ADAMTS18: variants seen among roughly 807,000 people sequenced by gnomAD.
ADAMTS18 encodes the protein A disintegrin and metalloproteinase with thrombospondin motifs 18.
In ADAMTS18, 157 loss-of-function variants were observed where a neutral mutation model predicts 165.9. The observed-to-expected ratio is 0.95, with a 90% confidence interval of 0.83 to 1.08. The LOEUF is 1.08. Ranked by LOEUF, ADAMTS18 falls within the 50% of genes least tolerant of loss-of-function variation. The pLI is 0.00. For synonymous variants in ADAMTS18, 782 were observed against 578.2 expected, an observed-to-expected ratio of 1.35 and a Z score of -5.06; for missense variants, 2,040 against 1,534.0, an observed-to-expected ratio of 1.33 and a Z score of -5.51.
At chr16:77,397,135 T>G (rs1419682066) in intron 3 of ADAMTS18, among the ~76,000 whole-genome samples, 1 of 152,120 alleles carries the variant, frequency 6.6e-6, no homozygotes, top group South Asian at 2.1e-4. Context: ...AGACCCATAC[T>G]GTCCCAAATC....
At chr16:77,332,202 T>C (rs1025823839) in intron 12 of ADAMTS18, among the ~76,000 whole-genome samples, 2 of 152,184 alleles carry the variant, frequency 1.3e-5, no homozygotes, top group African/African-American at 4.8e-5. Context: ...TATGTTCTCA[T>C]CCTCTGCACT....
At chr16:77,298,106 G>A (rs537575525) in intron 17 of ADAMTS18, among the ~76,000 whole-genome samples, 95 of 151,594 alleles carry the variant, frequency 6.3e-4, no homozygotes, top group Non-Finnish European at 1.2e-3. Flanking sequence ...TGTATTTTTA[G>A]TAGAGACGGC....
chr16:77,317,673 T>C (rs909816827), intron 16 of ADAMTS18, among the ~76,000 whole-genome samples: 6 of 152,146 alleles, frequency 3.9e-5, no homozygotes, highest in Non-Finnish European at 5.9e-5. Context: ...AATTTCAAGA[T>C]GTCATCTAAT....
chr16:77,284,112 C>G (rs747583931), intron 22 of ADAMTS18, 41 bp from the exon 23 acceptor site: 2 of 1,301,618 alleles, frequency 1.5e-6, no homozygotes, highest in Admixed American at 1.7e-5. Flanking sequence ...GCTAGGGTGT[C>G]TATCCTTTTT....
intron 17 of ADAMTS18, among the ~76,000 whole-genome samples, chr16:77,299,746 G>T (rs1380201376): frequency 6.6e-6 from 1 of 152,150 alleles, no homozygotes; most frequent in Non-Finnish European, 1.5e-5. Flanking sequence ...CCTTGCAAGG[G>T]TTGTCTCAGA....
chr16:77,327,609 T>C (rs1453650772), intron 12 of ADAMTS18, among the ~76,000 whole-genome samples: 1 of 152,198 alleles, frequency 6.6e-6, no homozygotes, highest in Non-Finnish European at 1.5e-5. Flanking sequence ...TGGATAAAAC[T>C]GGAGACCGTT....
rs1221592696 is a variant in ADAMTS18, at chr16:77,284,061, G to A, written c.3561C>T (p.Ser1187=). The change falls in exon 23 of 23, where the codon TCC becomes TCT. Residue 1187 remains serine (S), a synonymous_variant. Transcript: ENST00000282849. ...GACACCAGTTGAAGAAATCTACGCA[G>A]GATGGATCCTCTAAAATAAGAAAAT... ...CPAPEKREDP[S]CVDFFNWCHL... is the part of the protein sequence containing the mutation. 1.9e-6 allele frequency: 3 copies of A among 1,609,378 alleles called. No homozygotes were observed. The highest frequency in any genetic ancestry group is 2.6e-6 in the Non-Finnish European group (3 of 1,175,768).
At chr16:77,379,727 G>A (rs902512834) in intron 3 of ADAMTS18, among the ~76,000 whole-genome samples, 1 of 152,080 alleles carries the variant, frequency 6.6e-6, no homozygotes, top group African/African-American at 2.4e-5. Context: ...CTGACCTCAA[G>A]TAATCCACCC....
intron 17 of ADAMTS18, 147 bp downstream of exon 17, chr16:77,300,116 C>T (rs1360653236): frequency 1.9e-5 from 17 of 910,806 alleles, no homozygotes; most frequent in Non-Finnish European, 2.7e-5. Flanking sequence ...TAACTAATGC[C>T]ATAATATTTG....
chr16:77,336,599 CTT>C (rs1425664600), intron 11 of ADAMTS18, among the ~76,000 whole-genome samples: 1 of 152,138 alleles, frequency 6.6e-6, no homozygotes, highest in Non-Finnish European at 1.5e-5. Flanking sequence ...CTTGCAGTGT[CTT>C]TGATGAATTA....
intron 11 of ADAMTS18, among the ~76,000 whole-genome samples, chr16:77,340,114 T>C (rs1312909005): frequency 3.3e-5 from 5 of 152,184 alleles, no homozygotes; most frequent in Non-Finnish European, 7.3e-5. Context: ...AGAAGGTGTC[T>C]TTAAAGAGAG....
chr16:77,391,959 T>C (rs1485819482), intron 3 of ADAMTS18, among the ~76,000 whole-genome samples: 2 of 152,150 alleles, frequency 1.3e-5, no homozygotes, highest in East Asian at 3.9e-4. Flanking sequence ...GATACTGCCA[T>C]TGAAAAAATG....
At chr16:77,337,849 A>T (rs2056333821) in intron 11 of ADAMTS18, among the ~76,000 whole-genome samples, 1 of 152,132 alleles carries the variant, frequency 6.6e-6, no homozygotes, top group Admixed American at 6.5e-5. Context: ...AATTCTACAT[A>T]GAAAATGCAA....
At chr16:77,325,351 A>G (rs1233593429) in intron 13 of ADAMTS18, among the ~76,000 whole-genome samples, 2 of 152,224 alleles carry the variant, frequency 1.3e-5, no homozygotes, top group Non-Finnish European at 2.9e-5. Context: ...AATATAAGCC[A>G]TAACTTTAAG....
chr16:77,396,127 T>C (rs957351666), intron 3 of ADAMTS18, among the ~76,000 whole-genome samples: 2 of 152,192 alleles, frequency 1.3e-5, no homozygotes, highest in African/African-American at 4.8e-5. Flanking sequence ...TCACTAGCCA[T>C]TGACGACCAA....
intron 3 of ADAMTS18, chr16:77,379,093 G>A (rs1408283336): frequency 6.6e-6 from 1 of 152,306 alleles, no homozygotes; most frequent in Non-Finnish European, 1.5e-5. Context: ...AAGGACTCTA[G>A]GTTTTAGTTT....
At chr16:77,375,351 C>T (rs558713375) in intron 3 of ADAMTS18, among the ~76,000 whole-genome samples, 199 of 151,994 alleles carry the variant, frequency 1.3e-3, no homozygotes, top group Middle Eastern at 3.4e-3. Context: ...CACCGCACTC[C>T]GGCCTGGGTG....
At chr16:77,415,087 A>G (rs919859373) in intron 3 of ADAMTS18, among the ~76,000 whole-genome samples, 1 of 152,242 alleles carries the variant, frequency 6.6e-6, no homozygotes, top group Non-Finnish European at 1.5e-5. Context: ...ACTGTGAGGA[A>G]CAAATATTGA....
In ADAMTS18 at chr16:77,434,388, C is replaced by G. The variant is rs372213738; in HGVS notation, c.178+30G>C. On this transcript the variant is annotated intron_variant, in intron 2 of 22. Coordinates refer to ENST00000282849, the MANE Select transcript of ADAMTS18 (RefSeq NM_199355.4). ...GAAGGGTCAAAGTGCTGCGAAAGGC[C>G]CTTCTTGGGGATGGGGGGCAAATAC... The G allele has an allele frequency of 2.0e-5, 31 of 1,553,584 alleles. No homozygotes were observed. In the African/African-American group the frequency reaches 3.9e-4, roughly 20 times the overall value.
Sources: allele counts gnomAD v4.1 joint callset (sites outside exome capture counted in the v4.1 genomes callset), GRCh38; gene constraint gnomAD v4.1.1; transcripts MANE v1.5; gene names NCBI Gene and HGNC (gene_info 2026-07-23, HGNC 2026-07-21).